Variants in PIANP observed in about 807,000 individuals in gnomAD.
PIANP encodes PILR alpha associated neural protein.
In PIANP, 14 loss-of-function variants were observed where a neutral mutation model predicts 28.9. The ratio of observed to expected loss-of-function variants is 0.49; its 90% CI spans 0.32 to 0.76. The LOEUF (loss-of-function observed/expected upper bound fraction) is 0.76. Among genes scored for constraint, PIANP ranks in the 30% least tolerant of loss-of-function variants. PIANP has a pLI of 0.03. For missense variants in PIANP, 322 were observed against 371.8 expected (o/e 0.87, Z 1.10); for synonymous variants, 149 against 156.6 (o/e 0.95, Z 0.36).
chr12:6,694,831 T>G lies in PIANP; in HGVS notation c.*595A>C. ...CAAGGGTGGGGACAGGGACCCGAAG[T>G]CACAGATATGTGAGGCCCCCACCTG... is the stretch of plus-strand genomic sequence containing the variant. On this transcript the variant is annotated 3_prime_UTR_variant, in exon 5 of 5. Coordinates refer to ENST00000534837, the MANE Select transcript of PIANP (RefSeq NM_001244014.2). This position sits in a 1 kb window ranked among gnomAD's most constrained non-coding sequence, Gnocchi z 6.1. 1 of 575,722 alleles carries G rather than the reference T, an allele frequency of 1.7e-6. No individual in the cohort carries two copies. Among genetic ancestry groups the G allele is most frequent in the Non-Finnish European group, 3.0e-6 (1 of 334,964 alleles). The allele number at this position is 575,722 out of a possible 1,614,324, so 35.7% of individuals were successfully genotyped here.
At chr12:6,698,273 A>T in intron 1 of PIANP, 169 bp from the exon 2 acceptor site, 1 of 646,434 alleles carries the variant, frequency 1.5e-6, no homozygotes, top group Non-Finnish European at 2.7e-6. Context: ...GAAAAACTCC[A>T]GCGTGGTTGC....
chr12:6,693,167 G>A (rs1333364252), downstream of PIANP, among the ~76,000 whole-genome samples: 1 of 151,958 alleles, frequency 6.6e-6, no homozygotes, highest in Non-Finnish European at 1.5e-5. Flanking sequence ...GATCCCAGCT[G>A]GGCAGCCTGC....
chr12:6,693,317 G>T (rs1470050367), downstream of PIANP, among the ~76,000 whole-genome samples: 2 of 152,048 alleles, frequency 1.3e-5, no homozygotes, highest in Non-Finnish European at 1.5e-5. Context: ...AGCTGTGGGT[G>T]GGGGCAGGTT....
Position 6,697,254 on chromosome 12 carries a change from T to A in PIANP, c.523+33A>T. The A allele has an allele frequency of 4.4e-6, 7 of 1,604,564 alleles. No homozygotes were observed. The highest frequency in any genetic ancestry group is 5.9e-6 in the Non-Finnish European group (7 of 1,177,250). On this transcript the variant is annotated intron_variant, in intron 3 of 4. Coordinates refer to ENST00000534837, the MANE Select transcript of PIANP (RefSeq NM_001244014.2). This position sits in a 1 kb window ranked among gnomAD's most constrained non-coding sequence, Gnocchi z 6.9. The stretch of plus-strand genomic sequence containing the variant: ...TTGGTGTCTTCACCCAGCCTCCCCA[T>A]CCGTCATATCCCTCCCAGCCTTTCC...
Position 6,694,916 on chromosome 12 carries a change from A to C in PIANP, c.*510T>G, listed in dbSNP as rs1592447048. On this transcript the variant is annotated 3_prime_UTR_variant, in exon 5 of 5. Transcript: ENST00000534837. This position sits in a 1 kb window ranked among gnomAD's most constrained non-coding sequence, Gnocchi z 6.1. ...TGGGGAGTGTTCCGGGTGGTGTGCA[A>C]GGGGCAGGAGCCAGGAGCCCCTGTG... 4 of 1,247,914 alleles carry C rather than the reference A, an allele frequency of 3.2e-6. No individual in the cohort carries two copies. The highest frequency in any genetic ancestry group is 2.9e-4 in the Middle Eastern group (1 of 3,446). 77.3% of individuals were successfully genotyped at this position (1,247,914 alleles called of 1,614,324 possible). A position where few individuals can be genotyped will look rare whatever the true frequency, so the allele number is the denominator to read the frequency against.
rs183493667 is a variant in PIANP, at chr12:6,695,728, C to T, written c.606-77G>A. The T allele has an allele frequency of 5.7e-4, 781 of 1,361,884 alleles. 4 individuals are homozygous for T. Among genetic ancestry groups the T allele is most frequent in the South Asian group, 3.3e-3 (156 of 47,826 alleles). 84.4% of individuals were successfully genotyped at this position (1,361,884 alleles called of 1,614,324 possible). ...CCTGGGCCTGCACCAGTGGTCACCC[C>T]CAGCCTCGCCCAGTCACTCCCAACA... On this transcript the variant is annotated intron_variant, in intron 4 of 4. Coordinates refer to ENST00000534837, the MANE Select transcript of PIANP (RefSeq NM_001244014.2). This position sits in a 1 kb window ranked among gnomAD's most constrained non-coding sequence, Gnocchi z 4.2.
chr12:6,698,254 C>T (rs1345836630), intron 1 of PIANP, 150 bp from the exon 2 acceptor site: 1 of 678,282 alleles, frequency 1.5e-6, no homozygotes, highest in Non-Finnish European at 2.6e-6. Context: ...TGTTAGCATC[C>T]TTTTGGGGGA....
chr12:6,698,183 G>A (rs1468326304), intron 1 of PIANP, 79 bp from the exon 2 acceptor site: 12 of 1,177,490 alleles, frequency 1.0e-5, no homozygotes, highest in South Asian at 1.3e-5. Flanking sequence ...AATTCTACCC[G>A]CATCTGCCCT....
At position 6,696,355 on chromosome 12, in the gene PIANP, A is replaced by G. The variant is rs1959861287; in HGVS notation, c.605+88T>C. 9.5e-7 allele frequency: 1 copy of G among 1,047,896 alleles called. No homozygotes were observed. The allele number at this position is 1,047,896 out of a possible 1,614,324, so 64.9% of individuals were successfully genotyped here. A position where few individuals can be genotyped will look rare whatever the true frequency, so the allele number is the denominator to read the frequency against. ...AGCATTTCCCACCCACCCCCCAGCA[A>G]AATTGCTGCCACTGCCCCTCGTGGT... On this transcript the variant is annotated intron_variant, in intron 4 of 4. Coordinates refer to ENST00000534837, the MANE Select transcript of PIANP (RefSeq NM_001244014.2). The surrounding 1 kb of genome is among the most constrained non-coding windows in gnomAD (Gnocchi z 4.0).
In PIANP at chr12:6,695,471, C is replaced by T. The variant is rs749400399; in HGVS notation, c.786G>A (p.Gly262=). The change falls in exon 5 of 5, where the codon GGG becomes GGA. Residue 262 remains glycine, a synonymous_variant. Transcript: ENST00000534837. The surrounding 1 kb of genome is among the most constrained non-coding windows in gnomAD (Gnocchi z 4.2). ...HEEPRGGPRP[G]MPHPKGAPAF... is the part of the protein sequence containing the mutation. Reference sequence around the variant, plus strand: ...CTGGAGCCCCCTTGGGGTGGGGCATCCCAGGCCGGGGTCCCCCTCGGGGCT... The same window carrying T: ...CTGGAGCCCCCTTGGGGTGGGGCATTCCAGGCCGGGGTCCCCCTCGGGGCT... 6 of 1,518,426 alleles carry T rather than the reference C, an allele frequency of 4.0e-6. No homozygotes were observed. The highest frequency in any genetic ancestry group is 1.4e-5 in the African/African-American group (1 of 71,618). The allele number at this position is 1,518,426 out of a possible 1,614,324, so 94.1% of individuals were successfully genotyped here. A position where few individuals can be genotyped will look rare whatever the true frequency, so the allele number is the denominator to read the frequency against.
Position 6,695,027 on chromosome 12 carries a change from T to C in PIANP, c.*399A>G, listed in dbSNP as rs1959806007. ...CCTCCTGCTTGGCTGCACCCCAACA[T>C]TGGGGGCATCACAGATTCACCAGGG... On this transcript the variant is annotated 3_prime_UTR_variant, in exon 5 of 5. Coordinates refer to ENST00000534837, the MANE Select transcript of PIANP (RefSeq NM_001244014.2). The surrounding 1 kb of genome is among the most constrained non-coding windows in gnomAD (Gnocchi z 4.2). The C allele has an allele frequency of 1.3e-6, 2 of 1,562,864 alleles. No individual in the cohort carries two copies. The highest frequency in any genetic ancestry group is 8.7e-7 in the Non-Finnish European group (1 of 1,153,166).
rs1363483904 is a variant in PIANP at position 6,700,454 on chromosome 12, G to A, written c.-44+160C>T. The stretch of plus-strand genomic sequence containing the variant: ...AGGGCGGGAGCGAGCCAGGACCGCG[G>A]AGGGATGGAGAGCCCTTCGGGGAAG... On this transcript the variant is annotated intron_variant, in intron 1 of 4. Transcript: ENST00000534837. The surrounding 1 kb of genome is among the most constrained non-coding windows in gnomAD (Gnocchi z 5.5). The A allele has an allele frequency of 6.6e-6, 1 of 152,250 alleles. No homozygotes were observed. The highest frequency in any genetic ancestry group is 1.5e-5 in the Non-Finnish European group (1 of 68,134). The allele number at this position is 152,250 out of a possible 1,614,324, so 9.4% of individuals were successfully genotyped here.
At position 6,695,230 on chromosome 12, in the gene PIANP, A is replaced by G; in HGVS notation, c.*196T>C. 1 of 1,432,912 alleles carries G rather than the reference A, an allele frequency of 7.0e-7. No individual in the cohort carries two copies. The highest frequency in any genetic ancestry group is 9.2e-7 in the Non-Finnish European group (1 of 1,086,340). 88.8% of individuals were successfully genotyped at this position (1,432,912 alleles called of 1,614,324 possible). A position where few individuals can be genotyped will look rare whatever the true frequency, so the allele number is the denominator to read the frequency against. On this transcript the variant is annotated 3_prime_UTR_variant, in exon 5 of 5. Transcript: ENST00000534837. This position sits in a 1 kb window ranked among gnomAD's most constrained non-coding sequence, Gnocchi z 4.2. ...GTTGGAGTTATGGGCAGCAGAGAATAGGACACAGATCCTGAGAGACTGGGA... is the reference window on the plus strand; with the variant it reads ...GTTGGAGTTATGGGCAGCAGAGAATGGGACACAGATCCTGAGAGACTGGGA...
chr12:6,692,406 TTC>T (rs1959723003), downstream of PIANP, among the ~76,000 whole-genome samples: 1 of 152,230 alleles, frequency 6.6e-6, no homozygotes, highest in Non-Finnish European at 1.5e-5. Context: ...GTGCCAATGC[TTC>T]TCTTTTCTCC....
chr12:6,694,971 C>A lies in PIANP; in HGVS notation c.*455G>T. On this transcript the variant is annotated 3_prime_UTR_variant, in exon 5 of 5. Transcript: ENST00000534837. The surrounding 1 kb of genome is among the most constrained non-coding windows in gnomAD (Gnocchi z 6.1). ...CAGCTCCCCACAGCTGCCCCACCCT[C>A]AGTGGGATGGGGGCTGTGCCGGCCC... 6.7e-7 allele frequency: 1 copy of A among 1,501,622 alleles called. No individual in the cohort carries two copies. The allele number at this position is 1,501,622 out of a possible 1,614,324, so 93.0% of individuals were successfully genotyped here.
At position 6,694,691 on chromosome 12, in the gene PIANP, G is replaced by A. The variant is rs138966637; in HGVS notation, c.*735C>T. 4 of 272,540 alleles carry A rather than the reference G, an allele frequency of 1.5e-5. No individual in the cohort carries two copies. The East Asian group carries it at 2.5e-4, about 17-fold the overall frequency. The allele number at this position is 272,540 out of a possible 1,614,324, so 16.9% of individuals were successfully genotyped here. On this transcript the variant is annotated 3_prime_UTR_variant, in exon 5 of 5. Transcript: ENST00000534837. The surrounding 1 kb of genome is among the most constrained non-coding windows in gnomAD (Gnocchi z 6.1). ...GAAGGAGAGAGTGCAAATGTGAGACGAGAGAACATGAGAGTCAGCTGAGCG... is the reference window on the plus strand; with the variant it reads ...GAAGGAGAGAGTGCAAATGTGAGACAAGAGAACATGAGAGTCAGCTGAGCG...
chr12:6,694,810 G>A lies in PIANP; in HGVS notation c.*616C>T, dbSNP rs533191763. Reference sequence around the variant, plus strand: ...CAAGGCTTTCATGTGAGTGCACAAGGGTGGGGACAGGGACCCGAAGTCACA... The same window carrying A: ...CAAGGCTTTCATGTGAGTGCACAAGAGTGGGGACAGGGACCCGAAGTCACA... On this transcript the variant is annotated 3_prime_UTR_variant, in exon 5 of 5. Coordinates refer to ENST00000534837, the MANE Select transcript of PIANP (RefSeq NM_001244014.2). The surrounding 1 kb of genome is among the most constrained non-coding windows in gnomAD (Gnocchi z 6.1). 1 of 528,430 alleles carries A rather than the reference G, an allele frequency of 1.9e-6. No individual in the cohort carries two copies. The highest frequency in any genetic ancestry group is 3.4e-6 in the Non-Finnish European group (1 of 296,236). The allele number at this position is 528,430 out of a possible 1,614,324, so 32.7% of individuals were successfully genotyped here.
chr12:6,695,337 T>C lies in PIANP; in HGVS notation c.*89A>G. Reference sequence around the variant, plus strand: ...GCTGTGGGAGGCCACGCCTGCCTCCTCACTACCCATCCAGAGGGCACCCCC... The same window carrying C: ...GCTGTGGGAGGCCACGCCTGCCTCCCCACTACCCATCCAGAGGGCACCCCC... On this transcript the variant is annotated 3_prime_UTR_variant, in exon 5 of 5. Transcript: ENST00000534837. This position sits in a 1 kb window ranked among gnomAD's most constrained non-coding sequence, Gnocchi z 4.2. The C allele has an allele frequency of 1.4e-6, 2 of 1,404,254 alleles. No individual in the cohort carries two copies. Among genetic ancestry groups the C allele is most frequent in the Non-Finnish European group, 1.9e-6 (2 of 1,074,346 alleles). The allele number at this position is 1,404,254 out of a possible 1,614,324, so 87.0% of individuals were successfully genotyped here.
rs1356281808 is a variant in PIANP at position 6,697,966 on chromosome 12, T to C, written c.17+79A>G. 3.8e-5 allele frequency: 58 copies of C among 1,539,040 alleles called. No homozygotes were observed. The highest frequency in any genetic ancestry group is 4.7e-5 in the Non-Finnish European group (53 of 1,136,602). On this transcript the variant is annotated intron_variant, in intron 2 of 4. Coordinates refer to ENST00000534837, the MANE Select transcript of PIANP (RefSeq NM_001244014.2). This position sits in a 1 kb window ranked among gnomAD's most constrained non-coding sequence, Gnocchi z 6.9. The stretch of plus-strand genomic sequence containing the variant: ...AGGATGGCCCTCAGGATGGGAAGGC[T>C]CTGGATGGGTCTAGGAAGGAAGGAG...
Sources: gnomAD v4.1 joint callset for allele counts (sites outside exome capture counted in the v4.1 genomes callset) on GRCh38, gnomAD v4.1.1 for gene constraint, Gnocchi (gnomAD v3.1) non-coding constraint, MANE v1.5 for transcripts, NCBI Gene and HGNC (gene_info 2026-07-23, HGNC 2026-07-21) for gene names.